Variants in STK32C observed in about 807,000 individuals in gnomAD.
STK32C encodes serine/threonine-protein kinase 32C.
STK32C carries 31 observed loss-of-function variants against 56.5 expected under a neutral mutation model. The observed-to-expected ratio is 0.55, with a 90% confidence interval of 0.41 to 0.74. The LOEUF is 0.74. Ranked by LOEUF, STK32C falls within the 30% of genes least tolerant of loss-of-function variation. STK32C has a pLI of 0.00. For missense variants in STK32C, 544 were observed against 676.9 expected, an observed-to-expected ratio of 0.80 and a Z score of 2.18; for synonymous variants, 309 against 289.4, an observed-to-expected ratio of 1.07 and a Z score of -0.69.
intron 1 of STK32C, among the ~76,000 whole-genome samples, chr10:132,279,721 CTGATCACACCACTGCACTCCG>C (rs1227698435): frequency 1.3e-3 from 81 of 62,398 alleles, no homozygotes; most frequent in Non-Finnish European, 2.1e-3. Flanking sequence ...ACTCCACTCC[CTGATCACACCACTGCACTCCG>C]TGATCACACC....
At chr10:132,227,954 C>A (rs779040061) in intron 3 of STK32C, 23 bp downstream of exon 3, 1 of 1,610,558 alleles carries the variant, frequency 6.2e-7, no homozygotes, top group Non-Finnish European at 8.5e-7. Context: ...AGTCTTTCTG[C>A]AGCGAGGCCA....
At chr10:132,250,831 G>A (rs187349412) in intron 1 of STK32C, among the ~76,000 whole-genome samples, 37 of 152,322 alleles carry the variant, frequency 2.4e-4, no homozygotes, top group African/African-American at 8.7e-4. Context: ...CAGAGAGGAG[G>A]AAGGTTCCAA....
chr10:132,216,045 G>A (rs1441846037), intron 10 of STK32C, among the ~76,000 whole-genome samples: 1 of 152,232 alleles, frequency 6.6e-6, no homozygotes, highest in African/African-American at 2.4e-5. Context: ...TTTAGGGTAT[G>A]TGGCAGAAGA....
chr10:132,222,108 A>G (rs2637634), intron 10 of STK32C, among the ~76,000 whole-genome samples: 115,627 of 136,654 alleles, frequency 0.85, 48,680 homozygotes, highest in East Asian at 0.95. Context: ...GGCCGTCCCC[A>G]CACACACACC....
chr10:132,310,432 G>A (rs1031309404), upstream of STK32C, among the ~76,000 whole-genome samples: 5 of 152,232 alleles, frequency 3.3e-5, no homozygotes, highest in East Asian at 1.9e-4. This position sits in a 1 kb window ranked among gnomAD's most constrained non-coding sequence, Gnocchi z 4.6. Flanking sequence ...AAGACTGAGC[G>A]TTAAGAGGTG....
chr10:132,307,985 TGGGGGCGGGGCA>T, upstream of STK32C: 1 of 401,836 alleles, frequency 2.5e-6, no homozygotes, highest in Non-Finnish European at 2.8e-6. This position sits in a 1 kb window ranked among gnomAD's most constrained non-coding sequence, Gnocchi z 4.4. Flanking sequence ...TTGCGAGCGC[TGGGGGCGGGGCA>T]GGGGCGGGGC....
chr10:132,226,393 G>C (rs2062891012), intron 4 of STK32C, among the ~76,000 whole-genome samples: 1 of 152,090 alleles, frequency 6.6e-6, no homozygotes, highest in Admixed American at 6.5e-5. Flanking sequence ...CACCAGCTCT[G>C]CTTCCTAATT....
chr10:132,331,803 C>T (rs772691054), exon 1 of STK32C: 10 of 1,596,314 alleles, frequency 6.3e-6, no homozygotes, highest in Non-Finnish European at 8.5e-6. Context: ...TCTCTACTTG[C>T]CCGTCGACCA....
intron 1 of STK32C, among the ~76,000 whole-genome samples, chr10:132,278,045 T>C (rs547023329): frequency 2.0e-5 from 3 of 152,296 alleles, no homozygotes; most frequent in South Asian, 4.1e-4. Context: ...GGGGGTGGTC[T>C]TGAGGGGGCA....
At chr10:132,256,481 T>C (rs2064126834) in intron 1 of STK32C, among the ~76,000 whole-genome samples, 3 of 152,174 alleles carry the variant, frequency 2.0e-5, no homozygotes, top group South Asian at 2.1e-4. Context: ...GGATCTGCCA[T>C]AAATGAGTGA....
At chr10:132,271,143 TA>T (rs763613296) in intron 1 of STK32C, among the ~76,000 whole-genome samples, 2 of 152,120 alleles carry the variant, frequency 1.3e-5, no homozygotes, top group Non-Finnish European at 2.9e-5. Context: ...AGGAGTGTCC[TA>T]ACCGGGGCCT....
intron 3 of STK32C, among the ~76,000 whole-genome samples, chr10:132,227,598 G>C (rs2062936628): frequency 6.8e-6 from 1 of 146,668 alleles, no homozygotes; most frequent in South Asian, 2.2e-4. Flanking sequence ...TGGTGATGGT[G>C]GTGGTGATGG....
At chr10:132,242,061 G>C (rs1196743484) in intron 2 of STK32C, among the ~76,000 whole-genome samples, 1 of 151,534 alleles carries the variant, frequency 6.6e-6, no homozygotes, top group Non-Finnish European at 1.5e-5. Flanking sequence ...AGTGAGCCGA[G>C]ATCACGCCAC....
At chr10:132,260,834 TG>T in intron 1 of STK32C, among the ~76,000 whole-genome samples, 1 of 152,192 alleles carries the variant, frequency 6.6e-6, no homozygotes, top group Non-Finnish European at 1.5e-5. Context: ...CAGTGGCACC[TG>T]GGGGCCCCTG....
At chr10:132,256,816 C>T (rs1366861814) in intron 1 of STK32C, among the ~76,000 whole-genome samples, 1 of 152,324 alleles carries the variant, frequency 6.6e-6, no homozygotes, top group African/African-American at 2.4e-5. Flanking sequence ...GCTGCCCGCC[C>T]AGAGGCACAG....
intron 1 of STK32C, among the ~76,000 whole-genome samples, chr10:132,327,024 T>C (rs1462259278): frequency 6.6e-6 from 1 of 152,202 alleles, no homozygotes; most frequent in African/African-American, 2.4e-5. Context: ...CTGGAAAATA[T>C]TACTTTCTCT....
At chr10:132,249,508 G>A (rs953258322) in intron 1 of STK32C, among the ~76,000 whole-genome samples, 5 of 152,110 alleles carry the variant, frequency 3.3e-5, no homozygotes, top group African/African-American at 4.8e-5. Flanking sequence ...GAGAAGCCCC[G>A]AGCCAAGTGG....
At chr10:132,275,679 G>A (rs982020050) in intron 1 of STK32C, among the ~76,000 whole-genome samples, 5 of 152,188 alleles carry the variant, frequency 3.3e-5, no homozygotes, top group Non-Finnish European at 5.9e-5. Flanking sequence ...GCATCATGCC[G>A]CAGGGATGAG....
chr10:132,324,347 C>T (rs756564194), exon 2 of STK32C: 2 of 779,404 alleles, frequency 2.6e-6, no homozygotes, highest in South Asian at 2.7e-5. Flanking sequence ...GGCAAAATCC[C>T]AGTCCTGGGG....
Sources: gnomAD v4.1 joint callset for allele counts (sites outside exome capture counted in the v4.1 genomes callset) on GRCh38, gnomAD v4.1.1 for gene constraint, Gnocchi (gnomAD v3.1) non-coding constraint, MANE v1.5 for transcripts, NCBI Gene and HGNC (gene_info 2026-07-23, HGNC 2026-07-21) for gene names.